Variants in KDM6A observed in about 807,000 individuals in gnomAD.
KDM6A encodes lysine demethylase 6A.
In KDM6A, 11 loss-of-function variants were observed where a neutral mutation model predicts 117.6. The observed-to-expected ratio is 0.09, with a 90% CI of 0.06 to 0.15. The LOEUF (loss-of-function observed/expected upper bound fraction) is 0.15, where lower values mean the gene tolerates loss of function less well. KDM6A is among the 10% of genes least tolerant of loss of function. The pLI is 1.00. For missense variants in KDM6A, 799 were observed against 1,077.3 expected, an observed-to-expected ratio of 0.74 and a Z score of 3.62; for synonymous variants, 384 against 396.1, an observed-to-expected ratio of 0.97 and a Z score of 0.36.
chrX:44,965,955 TTATG>T lies in KDM6A; in HGVS notation c.334+4566_334+4569del, dbSNP rs201676247. ...CTGCTACTTTTTTATTGCTGCACCT[TTATG>T]TAGTTGGAGGACATGCTATTTTGAG... On this transcript the variant is annotated intron_variant, in intron 3 of 29. Transcript: ENST00000611820. Among the ~76,000 whole-genome samples, 195 of 111,314 alleles carry T rather than the reference TTATG, an allele frequency of 1.8e-3. 3 individuals carry two copies. The highest frequency in any genetic ancestry group is 6.1e-3 in the African/African-American group (188 of 30,665).
chrX:44,873,617 A>C lies in KDM6A; in HGVS notation c.66A>C (p.Glu22Asp). 8.3e-7 allele frequency: 1 copy of C among 1,204,415 alleles called. No individual in the cohort carries two copies. Among genetic ancestry groups the C allele is most frequent in the East Asian group, 3.0e-5 (1 of 33,589 alleles). The change falls in exon 1 of 30, where the codon GAA becomes GAC. Residue 22 changes from glutamate to aspartate, a missense_variant. This residue lies in a region of KDM6A where 89 missense variants were observed against 117.8 expected (regional missense o/e 0.76). Transcript: ENST00000611820. The part of the protein sequence containing the change: ...AAAAAAFGDE[E>D]KKMAAGKASG... ...CCGCCGCCGCTTTCGGTGATGAGGA[A>C]AAGAAAATGGCGGCGGGAAAAGCGA...
chrX:44,915,691 C>T (rs1328017691), intron 2 of KDM6A, among the ~76,000 whole-genome samples: 1 of 111,190 alleles, frequency 9.0e-6, no homozygotes, highest in Non-Finnish European at 1.9e-5. Flanking sequence ...GGTGAATTAT[C>T]CCTTTGTCCA....
chrX:44,881,492 C>T (rs944283631), intron 2 of KDM6A, among the ~76,000 whole-genome samples: 25 of 111,664 alleles, frequency 2.2e-4, no homozygotes, highest in African/African-American at 8.1e-4. Context: ...CCTTGTTAGA[C>T]AGTTTTAGGT....
chrX:45,084,787 G>A (rs901367675), intron 24 of KDM6A, among the ~76,000 whole-genome samples: 25 of 111,210 alleles, frequency 2.2e-4, no homozygotes, highest in African/African-American at 7.5e-4. Flanking sequence ...CACCATGCCT[G>A]GCTAATTGTT....
At chrX:44,898,611 G>A (rs1030561998) in intron 2 of KDM6A, among the ~76,000 whole-genome samples, 1 of 111,438 alleles carries the variant, frequency 9.0e-6, no homozygotes, top group African/African-American at 3.3e-5. Flanking sequence ...TTGCTAATGG[G>A]TGGTGGTGGA....
At chrX:45,084,433 G>A (rs1359524139) in intron 24 of KDM6A, among the ~76,000 whole-genome samples, 2 of 111,467 alleles carry the variant, frequency 1.8e-5, no homozygotes, top group Non-Finnish European at 3.8e-5. Flanking sequence ...GGGGCTGCAG[G>A]TCTCCCTCAG....
chrX:45,034,830 A>T (rs2042739824), intron 6 of KDM6A, 101 bp from the exon 7 acceptor site: 3 of 631,838 alleles, frequency 4.7e-6, no homozygotes, highest in Non-Finnish European at 8.0e-6. Context: ...CATAGCATGT[A>T]TTTATTATTA....
chrX:45,108,049 G>A (rs752543980), intron 28 of KDM6A, among the ~76,000 whole-genome samples: 29 of 111,912 alleles, frequency 2.6e-4, no homozygotes, highest in Non-Finnish European at 7.5e-5. Context: ...ATGAGACTAT[G>A]ATGAATGTGA....
chrX:44,941,960 T>C (rs2037351496), intron 2 of KDM6A, among the ~76,000 whole-genome samples: 1 of 110,788 alleles, frequency 9.0e-6, no homozygotes, highest in Non-Finnish European at 1.9e-5. Flanking sequence ...TCATGAGGTA[T>C]GCATTGAGAG....
chrX:45,082,254 A>C lies in KDM6A; in HGVS notation c.3301-322A>C, dbSNP rs1003928820. 4.9e-5 allele frequency: 12 copies of C among 246,174 alleles called. No homozygotes were observed. The Admixed American group carries it at 6.9e-4, about 14-fold the overall frequency. The allele number at this position is 246,174 out of a possible 1,213,427, so 20.3% of individuals were successfully genotyped here. A position where few individuals can be genotyped will look rare whatever the true frequency, so the allele number is the denominator to read the frequency against. On this transcript the variant is annotated intron_variant, in intron 21 of 29. Transcript: ENST00000611820. The stretch of plus-strand genomic sequence containing the variant: ...AGGAGACTAGCCTGGGCAACATGGC[A>C]AAACCCCATCTCTACCAAAAATACA...
chrX:45,009,415 C>A (rs1391863196), intron 4 of KDM6A, among the ~76,000 whole-genome samples: 1 of 111,438 alleles, frequency 9.0e-6, no homozygotes, highest in East Asian at 2.8e-4. Flanking sequence ...ACTTTTGTTG[C>A]CATCTTGGTT....
intron 8 of KDM6A, among the ~76,000 whole-genome samples, chrX:45,040,827 C>A (rs2043117644): frequency 1.2e-5 from 1 of 83,542 alleles, no homozygotes; most frequent in Non-Finnish European, 2.4e-5. Flanking sequence ...GGGGGCTGAT[C>A]CCCCCACCTC....
intron 2 of KDM6A, among the ~76,000 whole-genome samples, chrX:44,928,963 G>A (rs914687997): frequency 6.3e-5 from 7 of 111,025 alleles, no homozygotes; most frequent in Admixed American, 3.8e-4. Context: ...ACGGAGTGTC[G>A]CTCTGTCACC....
intron 2 of KDM6A, among the ~76,000 whole-genome samples, chrX:44,904,765 T>G (rs1602127381): frequency 1.8e-5 from 2 of 111,728 alleles, no homozygotes; most frequent in Middle Eastern, 9.2e-3. Flanking sequence ...AGAAATCTAT[T>G]ATGCTGTTTG....
chrX:44,963,655 C>T (rs180900763), intron 3 of KDM6A, among the ~76,000 whole-genome samples: 6 of 110,898 alleles, frequency 5.4e-5, no homozygotes, highest in Non-Finnish European at 1.1e-4. Context: ...TTACTTCCTC[C>T]ATTGAAATCT....
At chrX:44,982,759 G>T (rs1409526571) in intron 4 of KDM6A, among the ~76,000 whole-genome samples, 8 of 111,680 alleles carry the variant, frequency 7.2e-5, no homozygotes, top group Admixed American at 6.7e-4. Context: ...GATTGGTAAG[G>T]TTTTCTTCTG....
chrX:45,097,451 G>T (rs371197587), intron 27 of KDM6A, among the ~76,000 whole-genome samples: 3 of 111,136 alleles, frequency 2.7e-5, no homozygotes, highest in African/African-American at 9.8e-5. Flanking sequence ...TCCTGGGAAC[G>T]AACATATTAG....
chrX:44,970,039 CTT>C (rs1461738853), intron 3 of KDM6A, among the ~76,000 whole-genome samples: 1 of 112,027 alleles, frequency 8.9e-6, no homozygotes, highest in Non-Finnish European at 1.9e-5. Context: ...ACTAGAGAGA[CTT>C]TGGTGAGGTG....
intron 19 of KDM6A, among the ~76,000 whole-genome samples, chrX:45,077,063 GC>G (rs2045159440): frequency 9.1e-6 from 1 of 110,101 alleles, no homozygotes; most frequent in Non-Finnish European, 1.9e-5. Context: ...ATTTTTTATT[GC>G]CCTAATTTTG....
Sources: gnomAD v4.1 joint callset for allele counts (sites outside exome capture counted in the v4.1 genomes callset) on GRCh38, gnomAD v4.1.1 for gene constraint, gnomAD v4.1.1 regional missense constraint, MANE v1.5 for transcripts, NCBI Gene and HGNC (gene_info 2026-07-23, HGNC 2026-07-21) for gene names.